CORIN: variants seen among roughly 807,000 people sequenced by gnomAD.
CORIN encodes the protein corin, serine peptidase.
A neutral mutation model predicts 125.3 loss-of-function variants in CORIN; 117 were observed. The observed-to-expected ratio is 0.93, with a 90% CI of 0.80 to 1.09. The LOEUF is 1.09. CORIN is among the 50% of genes least tolerant of loss of function. The pLI is 0.00. For synonymous variants in CORIN, 450 were observed against 466.4 expected (o/e 0.96, Z 0.45); for missense variants, 1,253 against 1,306.7 (o/e 0.96, Z 0.63).
At chr4:47,773,478 A>C (rs1177336549) in intron 3 of CORIN, among the ~76,000 whole-genome samples, 1 of 152,188 alleles carries the variant, frequency 6.6e-6, no homozygotes, top group Non-Finnish European at 1.5e-5. Context: ...GGATTACACC[A>C]GCTGGGTATT....
At chr4:47,692,826 A>G in intron 6 of CORIN, 144 bp downstream of exon 6, 1 of 666,552 alleles carries the variant, frequency 1.5e-6, no homozygotes. Context: ...GTGTGCAAAC[A>G]TGCTGCTGTC....
intron 5 of CORIN, among the ~76,000 whole-genome samples, chr4:47,727,554 C>G (rs1727652532): frequency 6.6e-6 from 1 of 151,904 alleles, no homozygotes; most frequent in African/African-American, 2.4e-5. Flanking sequence ...TAATAATTTC[C>G]ATTTTATGCA....
chr4:47,765,307 T>TC (rs146543486), intron 3 of CORIN, among the ~76,000 whole-genome samples: 12,296 of 134,564 alleles, frequency 0.091, 656 homozygotes, highest in African/African-American at 0.17. Context: ...CGAGACTCCG[T>TC]CCCCCAAAAA....
chr4:47,813,360 C>A (rs1732138168), intron 1 of CORIN, among the ~76,000 whole-genome samples: 1 of 152,126 alleles, frequency 6.6e-6, no homozygotes, highest in Admixed American at 6.6e-5. Context: ...CTCCCAATAC[C>A]TAATTTAAAA....
At chr4:47,789,727 AAAATGCTAAGAGGCCGG>A (rs1401485129) in intron 2 of CORIN, among the ~76,000 whole-genome samples, 1 of 152,018 alleles carries the variant, frequency 6.6e-6, no homozygotes, top group African/African-American at 2.4e-5. Context: ...ATGAGCTATA[AAAATGCTAAGAGGCCGG>A]GCGCGGTGGC....
At chr4:47,777,330 A>G (rs1176016502) in intron 3 of CORIN, among the ~76,000 whole-genome samples, 1 of 152,100 alleles carries the variant, frequency 6.6e-6, no homozygotes, top group African/African-American at 2.4e-5. Context: ...CTATACCATA[A>G]GTCTTATTAA....
chr4:47,742,212 G>A (rs1157529580), intron 5 of CORIN, among the ~76,000 whole-genome samples: 1 of 151,900 alleles, frequency 6.6e-6, no homozygotes, highest in African/African-American at 2.4e-5. Context: ...AATAGAAAGA[G>A]CTTCCTTAAT....
chr4:47,753,719 C>A (rs993992423), intron 4 of CORIN, among the ~76,000 whole-genome samples: 10 of 152,102 alleles, frequency 6.6e-5, no homozygotes, highest in Non-Finnish European at 1.0e-4. Flanking sequence ...GGTTATCTTC[C>A]CTTGTTCCCT....
intron 5 of CORIN, among the ~76,000 whole-genome samples, chr4:47,718,730 A>T (rs1338118588): frequency 6.6e-6 from 1 of 152,198 alleles, no homozygotes; most frequent in Non-Finnish European, 1.5e-5. Context: ...TGAATTCAAC[A>T]GGTTGCTGGC....
intron 12 of CORIN, among the ~76,000 whole-genome samples, chr4:47,654,857 C>T (rs533944146): frequency 8.2e-4 from 125 of 151,964 alleles, no homozygotes; most frequent in African/African-American, 2.9e-3. Flanking sequence ...GTGCTTGTGC[C>T]ACCCCTTCCC....
Position 47,668,366 on chromosome 4 carries a change from G to A in CORIN, c.1358-3103C>T, listed in dbSNP as rs570096764. On this transcript the variant is annotated intron_variant, in intron 10 of 21. Coordinates refer to ENST00000273857, the MANE Select transcript of CORIN (RefSeq NM_006587.4). ...TTTGAATGCTTCCATGCCTTTCCCC[G>A]CTCACATTTATCCATACATGCCTTT... 2.0e-5 allele frequency among the ~76,000 whole-genome samples: 3 copies of A among 152,158 alleles called. No homozygotes were observed. In the East Asian group the frequency reaches 5.8e-4, roughly 29 times the overall value.
intron 5 of CORIN, among the ~76,000 whole-genome samples, chr4:47,734,901 G>T (rs1054793075): frequency 6.6e-6 from 1 of 152,168 alleles, no homozygotes; most frequent in South Asian, 2.1e-4. Context: ...CCAAATGGGG[G>T]CTGCAAAATC....
In CORIN at chr4:47,786,820, T is replaced by C. The variant is rs749088743; in HGVS notation, c.314A>G (p.Gln105Arg). 5.5e-5 allele frequency: 89 copies of C among 1,613,990 alleles called. No homozygotes were observed. The Admixed American group carries it at 1.3e-3, about 24-fold the overall frequency. The change falls in exon 3 of 22, where the codon CAG (glutamine) becomes CGG (arginine). Residue 105 changes from glutamine (Q) to arginine (R), a missense_variant. Coordinates refer to ENST00000273857, the MANE Select transcript of CORIN (RefSeq NM_006587.4). The stretch of plus-strand genomic sequence containing the variant: ...ATGTGCAGTAGACACCACAGTGCTC[T>C]GGTTATAAATTGTATTTGTAAGAAT... ...DVILTNTIYN[Q>R]STVVSTAHPD... is the part of the protein sequence containing the mutation.
intron 19 of CORIN, among the ~76,000 whole-genome samples, chr4:47,617,741 C>G (rs1400298326): frequency 6.6e-6 from 1 of 152,198 alleles, no homozygotes; most frequent in Non-Finnish European, 1.5e-5. Flanking sequence ...TGGCACAGTT[C>G]ATACACTCCT....
At chr4:47,611,699 T>C (rs1721876691) in intron 19 of CORIN, among the ~76,000 whole-genome samples, 1 of 152,232 alleles carries the variant, frequency 6.6e-6, no homozygotes, top group South Asian at 2.1e-4. Flanking sequence ...CTTCCAGTTT[T>C]TGCCTATGCT....
At chr4:47,816,050 G>A (rs1336108386) in intron 1 of CORIN, among the ~76,000 whole-genome samples, 1 of 152,138 alleles carries the variant, frequency 6.6e-6, no homozygotes, top group Admixed American at 6.6e-5. Flanking sequence ...TTAAAAGATT[G>A]ACTTTCTACA....
intron 21 of CORIN, 117 bp downstream of exon 21, chr4:47,600,097 G>T: frequency 3.4e-6 from 3 of 873,722 alleles, no homozygotes; most frequent in Admixed American, 2.6e-5. Context: ...TTAAACATTT[G>T]GCAACAAATG....
chr4:47,658,605 T>C (rs1724103476), intron 12 of CORIN, among the ~76,000 whole-genome samples: 1 of 152,196 alleles, frequency 6.6e-6, no homozygotes. Context: ...GGGAGCAGTG[T>C]CCTAAGGCTG....
chr4:47,694,459 T>TTGTG (rs147979858), intron 5 of CORIN, among the ~76,000 whole-genome samples: 2 of 151,344 alleles, frequency 1.3e-5, no homozygotes, highest in East Asian at 1.9e-4. Context: ...CCACCAAAGC[T>TTGTG]TGTGTGTGTG....
Sources: gnomAD v4.1 joint callset for allele counts (sites outside exome capture counted in the v4.1 genomes callset) on GRCh38, gnomAD v4.1.1 for gene constraint, MANE v1.5 for transcripts, NCBI Gene and HGNC (gene_info 2026-07-23, HGNC 2026-07-21) for gene names.